The following P4HA1 variants were observed in gnomAD, a reference collection of about 807,000 sequenced individuals.
P4HA1 encodes prolyl 4-hydroxylase subunit alpha-1.
A neutral mutation model predicts 72.8 loss-of-function variants in P4HA1; 24 were observed. That is an observed-to-expected ratio of 0.33 (90% confidence interval 0.24 to 0.46). P4HA1 has a LOEUF of 0.46. Among genes scored for constraint, P4HA1 ranks in the 20% least tolerant of loss-of-function variants. The pLI is 1.00. For synonymous variants in P4HA1, 201 were observed against 218.8 expected (o/e 0.92, Z 0.72); for missense variants, 446 against 640.6 (o/e 0.70, Z 3.28).
chr10:73,096,175 G>A (rs1449127619), intron 1 of P4HA1, among the ~76,000 whole-genome samples: 2 of 152,246 alleles, frequency 1.3e-5, no homozygotes, highest in Non-Finnish European at 2.9e-5. Flanking sequence ...ACGTCTGGCA[G>A]CTAATGCTGC....
intron 1 of P4HA1, among the ~76,000 whole-genome samples, chr10:73,081,777 G>A (rs906103615): frequency 6.6e-6 from 1 of 152,228 alleles, no homozygotes; most frequent in Non-Finnish European, 1.5e-5. Context: ...GCTCACGCCT[G>A]TAATCCCAGC....
intron 13 of P4HA1, among the ~76,000 whole-genome samples, chr10:73,010,747 T>C (rs1278718314): frequency 1.3e-5 from 2 of 152,032 alleles, no homozygotes; most frequent in South Asian, 2.1e-4. Context: ...CATGCACCTG[T>C]AGTCCCCACT....
intron 10 of P4HA1, among the ~76,000 whole-genome samples, chr10:73,021,140 AAAAC>A (rs1840125776): frequency 6.9e-6 from 1 of 144,850 alleles, no homozygotes; most frequent in Non-Finnish European, 1.5e-5. Flanking sequence ...ATCTCAAGAA[AAAAC>A]AAACAAAAAA....
chr10:73,030,184 T>C, intron 10 of P4HA1, 87 bp downstream of exon 10: 1 of 546,976 alleles, frequency 1.8e-6, no homozygotes, highest in South Asian at 5.1e-5. Flanking sequence ...TCATGCAAAT[T>C]GAGGACTGCC....
chr10:73,037,046 G>C (rs1402724710), intron 9 of P4HA1, among the ~76,000 whole-genome samples: 1 of 151,794 alleles, frequency 6.6e-6, no homozygotes, highest in Non-Finnish European at 1.5e-5. Flanking sequence ...ATCATTTGAA[G>C]ATCATTTATC....
intron 1 of P4HA1, among the ~76,000 whole-genome samples, chr10:73,092,322 T>C (rs1291887343): frequency 6.6e-6 from 1 of 151,454 alleles, no homozygotes. Context: ...ACTGGCCATA[T>C]TGTAAATAAT....
chr10:73,073,418 A>C (rs1841613397), intron 3 of P4HA1, among the ~76,000 whole-genome samples: 1 of 151,750 alleles, frequency 6.6e-6, no homozygotes, highest in Admixed American at 6.6e-5. Flanking sequence ...ACAGGGTTTC[A>C]CCACATTGGC....
At position 73,051,289 on chromosome 10, in the gene P4HA1, A is replaced by G. The variant is rs780072563; in HGVS notation, c.704-40T>C. ...ACAAAGCATGTCCATGGGTAAGTTCATGCTTGTTCAAGCATCAGAATATAG... is the reference window on the plus strand; with the variant it reads ...ACAAAGCATGTCCATGGGTAAGTTCGTGCTTGTTCAAGCATCAGAATATAG... On this transcript the variant is annotated intron_variant, in intron 6 of 14. Transcript: ENST00000394890. 5 of 1,082,798 alleles carry G rather than the reference A, an allele frequency of 4.6e-6. No homozygotes were observed. The East Asian group carries it at 9.4e-5, about 20-fold the overall frequency. The allele number at this position is 1,082,798 out of a possible 1,614,324, so 67.1% of individuals were successfully genotyped here. A position where few individuals can be genotyped will look rare whatever the true frequency, so the allele number is the denominator to read the frequency against.
intron 5 of P4HA1, among the ~76,000 whole-genome samples, chr10:73,066,901 CTG>C (rs1243895043): frequency 1.2e-4 from 19 of 152,292 alleles, no homozygotes; most frequent in African/African-American, 2.6e-4. Context: ...CCATGCGGAA[CTG>C]TGAGTCAATT....
intron 9 of P4HA1, among the ~76,000 whole-genome samples, chr10:73,031,086 A>G (rs1427807835): frequency 6.6e-6 from 1 of 152,238 alleles, no homozygotes; most frequent in Non-Finnish European, 1.5e-5. Context: ...ATCATTACAT[A>G]TAATAGCCAA....
At chr10:73,038,210 G>A (rs546022253) in intron 9 of P4HA1, among the ~76,000 whole-genome samples, 12 of 152,256 alleles carry the variant, frequency 7.9e-5, no homozygotes, top group African/African-American at 2.6e-4. Flanking sequence ...AGCCATGACT[G>A]TGCCACTGCA....
At chr10:73,046,039 A>G (rs1840854247) in intron 8 of P4HA1, among the ~76,000 whole-genome samples, 1 of 151,912 alleles carries the variant, frequency 6.6e-6, no homozygotes, top group Non-Finnish European at 1.5e-5. Flanking sequence ...ACTGGAAATA[A>G]AATTTTACTG....
chr10:73,009,939 C>A, intron 13 of P4HA1, 36 bp from the exon 14 acceptor site: 2 of 1,100,132 alleles, frequency 1.8e-6, no homozygotes, highest in Non-Finnish European at 2.8e-6. Context: ...CCCAAGTATA[C>A]AATGCCAGGT....
intron 9 of P4HA1, among the ~76,000 whole-genome samples, chr10:73,043,087 T>C (rs1292044986): frequency 2.6e-5 from 4 of 152,184 alleles, no homozygotes; most frequent in South Asian, 2.1e-4. Context: ...GTGTTAAAGA[T>C]AGTATCTTCT....
At chr10:73,088,538 T>C (rs1841967253) in intron 1 of P4HA1, among the ~76,000 whole-genome samples, 1 of 152,206 alleles carries the variant, frequency 6.6e-6, no homozygotes, top group Non-Finnish European at 1.5e-5. Flanking sequence ...CACTCTTGCT[T>C]CATCCTGGAC....
chr10:73,087,296 TCTCA>T (rs1460036290), intron 1 of P4HA1, among the ~76,000 whole-genome samples: 1 of 145,728 alleles, frequency 6.9e-6, no homozygotes, highest in Non-Finnish European at 1.5e-5. Flanking sequence ...TGAGACAGAG[TCTCA>T]CTCTGTCGCC....
chr10:73,092,186 T>C (rs966898680), intron 1 of P4HA1, among the ~76,000 whole-genome samples: 1 of 152,150 alleles, frequency 6.6e-6, no homozygotes, highest in Admixed American at 6.6e-5. Context: ...TAGATATGCA[T>C]TTCCATTCAG....
intron 9 of P4HA1, among the ~76,000 whole-genome samples, chr10:73,040,395 C>A (rs1204387057): frequency 6.6e-6 from 1 of 150,882 alleles, no homozygotes. Flanking sequence ...TGACTGTGGG[C>A]TGGATATTTC....
intron 5 of P4HA1, among the ~76,000 whole-genome samples, chr10:73,067,503 C>T (rs573231911): frequency 1.3e-5 from 2 of 152,324 alleles, no homozygotes; most frequent in East Asian, 3.9e-4. Context: ...TCTCTAGTCT[C>T]AGCTCTCACT....
Sources: gnomAD v4.1 joint callset for allele counts (sites outside exome capture counted in the v4.1 genomes callset) on GRCh38, gnomAD v4.1.1 for gene constraint, MANE v1.5 for transcripts, NCBI Gene and HGNC (gene_info 2026-07-23, HGNC 2026-07-21) for gene names.